The following DCC variants were observed in gnomAD, a reference collection of about 807,000 sequenced individuals.
DCC encodes the protein DCC netrin 1 receptor.
In DCC, 58 loss-of-function variants were observed where a neutral mutation model predicts 172.5. The observed-to-expected ratio is 0.34, with a 90% CI of 0.27 to 0.42. DCC has a LOEUF of 0.42. DCC is among the 10% of genes least tolerant of loss of function. The probability of loss-of-function intolerance (pLI) is 1.00; values close to 1 mark genes in which losing one functional copy is unlikely to be tolerated. For synonymous variants in DCC, 709 were observed against 644.5 expected, an observed-to-expected ratio of 1.10 and a Z score of -1.52; for missense variants, 1,740 against 1,791.0, an observed-to-expected ratio of 0.97 and a Z score of 0.51.
At chr18:53,461,042 C>T (rs1367300231) in intron 24 of DCC, among the ~76,000 whole-genome samples, 1 of 152,210 alleles carries the variant, frequency 6.6e-6, no homozygotes, top group Non-Finnish European at 1.5e-5. Context: ...TGATGGTGAA[C>T]ATTTTTTCAT....
chr18:52,541,413 A>C (rs1041918494), intron 1 of DCC, among the ~76,000 whole-genome samples: 8 of 152,192 alleles, frequency 5.3e-5, no homozygotes, highest in African/African-American at 1.9e-4. Context: ...GTGGATTAAA[A>C]TTTTTAACCT....
At chr18:52,564,369 G>T (rs903506513) in intron 1 of DCC, among the ~76,000 whole-genome samples, 1 of 152,094 alleles carries the variant, frequency 6.6e-6, no homozygotes, top group East Asian at 1.9e-4. Context: ...TTTGTTAAAT[G>T]TGTGGTCCTC....
At chr18:53,507,599 G>A (rs1046159926) in intron 27 of DCC, among the ~76,000 whole-genome samples, 1 of 152,152 alleles carries the variant, frequency 6.6e-6, no homozygotes, top group Non-Finnish European at 1.5e-5. Flanking sequence ...GGCTCTTAGA[G>A]GAGAATGCCT....
intron 1 of DCC, among the ~76,000 whole-genome samples, chr18:52,542,854 T>C (rs2032501051): frequency 6.6e-6 from 1 of 151,802 alleles, no homozygotes; most frequent in Admixed American, 6.6e-5. Context: ...AAAAAGCAAC[T>C]AGGAACAGGA....
intron 1 of DCC, among the ~76,000 whole-genome samples, chr18:52,631,727 C>T (rs993889924): frequency 6.6e-5 from 10 of 152,124 alleles, no homozygotes; most frequent in African/African-American, 2.4e-4. Context: ...TAACTCAATG[C>T]AAATTAATTT....
intron 5 of DCC, among the ~76,000 whole-genome samples, chr18:53,053,299 A>T (rs186695775): frequency 4.2e-4 from 64 of 152,282 alleles, no homozygotes; most frequent in African/African-American, 1.5e-3. Context: ...CTGGGGTTTA[A>T]GGGAAGATAA....
At chr18:53,349,956 A>T (rs1024172978) in intron 15 of DCC, among the ~76,000 whole-genome samples, 7 of 152,234 alleles carry the variant, frequency 4.6e-5, no homozygotes, top group Admixed American at 4.6e-4. Flanking sequence ...AGTAATTTTA[A>T]AAAACTGAAT....
chr18:53,281,403 A>G (rs2056870344), intron 12 of DCC, among the ~76,000 whole-genome samples: 1 of 152,106 alleles, frequency 6.6e-6, no homozygotes, highest in South Asian at 2.1e-4. Context: ...CGCACACAAT[A>G]TATTGCATGG....
chr18:53,067,794 T>A (rs543797260), intron 7 of DCC, among the ~76,000 whole-genome samples: 41 of 152,336 alleles, frequency 2.7e-4, no homozygotes, highest in African/African-American at 9.4e-4. Flanking sequence ...CCTTTTGACA[T>A]GGCTCGCTTT....
intron 5 of DCC, among the ~76,000 whole-genome samples, chr18:53,021,182 G>T (rs943547787): frequency 3.3e-5 from 5 of 152,190 alleles, no homozygotes; most frequent in African/African-American, 1.2e-4. Flanking sequence ...GAAGACAGAG[G>T]TTGGCTCTGA....
At chr18:52,501,701 G>A (rs1001748834) in intron 1 of DCC, among the ~76,000 whole-genome samples, 2 of 152,102 alleles carry the variant, frequency 1.3e-5, no homozygotes, top group African/African-American at 4.8e-5. Flanking sequence ...CACCTCTGAG[G>A]TCCCTTTCTC....
intron 1 of DCC, among the ~76,000 whole-genome samples, chr18:52,556,962 A>C (rs1010763597): frequency 3.9e-5 from 6 of 152,198 alleles, no homozygotes; most frequent in Non-Finnish European, 8.8e-5. Flanking sequence ...AAGCAACCAC[A>C]GTGTATTTGT....
chr18:53,154,295 C>A (rs986470922), intron 7 of DCC, among the ~76,000 whole-genome samples: 10 of 152,150 alleles, frequency 6.6e-5, no homozygotes, highest in African/African-American at 2.2e-4. Context: ...CCCTGTCTCA[C>A]TTCCTGATTC....
At chr18:53,310,016 A>G (rs2057248018) in intron 13 of DCC, among the ~76,000 whole-genome samples, 1 of 149,862 alleles carries the variant, frequency 6.7e-6, no homozygotes, top group South Asian at 2.1e-4. Context: ...CAATAAAAAG[A>G]GTTAATGAAC....
intron 27 of DCC, among the ~76,000 whole-genome samples, chr18:53,507,027 A>C (rs1598822147): frequency 1.3e-5 from 2 of 152,212 alleles, no homozygotes; most frequent in African/African-American, 4.8e-5. Context: ...GGAAGGAAAC[A>C]TGAAATTCTA....
intron 1 of DCC, among the ~76,000 whole-genome samples, chr18:52,523,229 TA>T (rs2031874203): frequency 6.6e-6 from 1 of 152,122 alleles, no homozygotes; most frequent in Admixed American, 6.5e-5. Context: ...CTGAGGTGTC[TA>T]GGGGAACATG....
intron 2 of DCC, chr18:52,757,332 C>T (rs1030139556): frequency 2.6e-5 from 4 of 152,116 alleles, no homozygotes; most frequent in Non-Finnish European, 4.4e-5. Flanking sequence ...CACTTGGTCT[C>T]GACTTGGAGT....
intron 1 of DCC, among the ~76,000 whole-genome samples, chr18:52,513,180 T>C (rs1418361962): frequency 1.3e-5 from 2 of 152,218 alleles, no homozygotes; most frequent in African/African-American, 4.8e-5. Context: ...GGGATAGTAA[T>C]AGACAGTTTG....
At chr18:52,868,492 CAGTA>C (rs1211889548) in intron 2 of DCC, among the ~76,000 whole-genome samples, 7 of 152,152 alleles carry the variant, frequency 4.6e-5, no homozygotes, top group East Asian at 1.9e-4. Context: ...AAAAGTATGA[CAGTA>C]AGAGAAATTT....
Sources: allele counts gnomAD v4.1 joint callset (sites outside exome capture counted in the v4.1 genomes callset), GRCh38; gene constraint gnomAD v4.1.1; transcripts MANE v1.5; gene names NCBI Gene and HGNC (gene_info 2026-07-23, HGNC 2026-07-21).